The following PTPRR variants were observed in gnomAD, a reference collection of about 807,000 sequenced individuals.
The protein encoded by PTPRR is protein tyrosine phosphatase receptor type R.
In PTPRR, 38 loss-of-function variants were observed where a neutral mutation model predicts 77.2. The ratio of observed to expected loss-of-function variants is 0.49; its 90% CI spans 0.38 to 0.65. The LOEUF (loss-of-function observed/expected upper bound fraction) is 0.65. PTPRR is among the 30% of genes least tolerant of loss of function. PTPRR has a pLI of 0.00. For synonymous variants in PTPRR, 299 were observed against 283.1 expected (o/e 1.06, Z -0.57); for missense variants, 744 against 799.2 (o/e 0.93, Z 0.83).
At chr12:70,673,563 ATACT>A (rs1887326670) in intron 10 of PTPRR, among the ~76,000 whole-genome samples, 1 of 152,234 alleles carries the variant, frequency 6.6e-6, no homozygotes, top group Admixed American at 6.5e-5. Flanking sequence ...AAACATTTAC[ATACT>A]TATATTTACA....
chr12:70,801,915 C>T (rs1891623030), intron 2 of PTPRR, among the ~76,000 whole-genome samples: 5 of 152,168 alleles, frequency 3.3e-5, no homozygotes, highest in Admixed American at 3.3e-4. Context: ...TCTCCCACAT[C>T]CTCCTTACAG....
intron 2 of PTPRR, among the ~76,000 whole-genome samples, chr12:70,852,371 T>A (rs761961675): frequency 7.0e-4 from 107 of 152,232 alleles, no homozygotes; most frequent in Middle Eastern, 6.8e-3. Flanking sequence ...AAGAAAAATA[T>A]CTAAGAGAAA....
intron 10 of PTPRR, among the ~76,000 whole-genome samples, chr12:70,668,122 G>T (rs1473236326): frequency 1.3e-5 from 2 of 151,998 alleles, no homozygotes; most frequent in Non-Finnish European, 2.9e-5. Flanking sequence ...CCACTTTCTG[G>T]ATGCAATCAC....
chr12:70,915,899 A>G (rs1474809041), intron 1 of PTPRR, among the ~76,000 whole-genome samples: 1 of 152,190 alleles, frequency 6.6e-6, no homozygotes, highest in Non-Finnish European at 1.5e-5. Flanking sequence ...TATTTAACTT[A>G]TTTATTTAAT....
At chr12:70,665,659 G>T (rs1317333997) in intron 10 of PTPRR, among the ~76,000 whole-genome samples, 2 of 151,572 alleles carry the variant, frequency 1.3e-5, no homozygotes, top group African/African-American at 4.8e-5. Flanking sequence ...TGGGATTATA[G>T]GCGTGAGCCA....
At chr12:70,673,535 A>G (rs1887326173) in intron 10 of PTPRR, among the ~76,000 whole-genome samples, 1 of 152,204 alleles carries the variant, frequency 6.6e-6, no homozygotes, top group Admixed American at 6.5e-5. Context: ...TTTTCTGGGG[A>G]AAATATTATT....
chr12:70,842,053 C>T (rs1170745840), intron 2 of PTPRR, among the ~76,000 whole-genome samples: 1 of 152,122 alleles, frequency 6.6e-6, no homozygotes, highest in Non-Finnish European at 1.5e-5. Context: ...AAGTAATTTA[C>T]AGCCATATTT....
intron 6 of PTPRR, among the ~76,000 whole-genome samples, chr12:70,703,642 G>C (rs1329753358): frequency 6.6e-6 from 1 of 152,172 alleles, no homozygotes; most frequent in Non-Finnish European, 1.5e-5. Context: ...TTGCCGATTG[G>C]TCTTAATATT....
At chr12:70,882,387 C>A (rs1893164292) in intron 2 of PTPRR, among the ~76,000 whole-genome samples, 1 of 152,076 alleles carries the variant, frequency 6.6e-6, no homozygotes, top group Non-Finnish European at 1.5e-5. Flanking sequence ...CTGCTGCCCA[C>A]CCCCTGGCTT....
intron 2 of PTPRR, among the ~76,000 whole-genome samples, chr12:70,810,896 T>A (rs1891797057): frequency 6.6e-6 from 1 of 152,164 alleles, no homozygotes; most frequent in Non-Finnish European, 1.5e-5. Flanking sequence ...GCTATGGCAA[T>A]TCTATGACTG....
At chr12:70,660,178 T>TAATA (rs57676991) in intron 12 of PTPRR, among the ~76,000 whole-genome samples, 106,386 of 140,926 alleles carry the variant, frequency 0.75, 40,602 homozygotes, top group Admixed American at 0.78. Flanking sequence ...CTCTGTCTCA[T>TAATA]AATAAATAAA....
At chr12:70,738,733 C>A (rs771592665) in intron 6 of PTPRR, among the ~76,000 whole-genome samples, 3 of 152,126 alleles carry the variant, frequency 2.0e-5, no homozygotes, top group African/African-American at 4.8e-5. Context: ...ATCAGTGGAG[C>A]ATTTTGGGAG....
intron 6 of PTPRR, among the ~76,000 whole-genome samples, chr12:70,709,268 C>T (rs114942417): frequency 4.3e-4 from 66 of 152,174 alleles, no homozygotes; most frequent in African/African-American, 1.4e-3. Flanking sequence ...ATTCAACATC[C>T]ATTCATGTTA....
intron 1 of PTPRR, among the ~76,000 whole-genome samples, chr12:70,917,246 G>A (rs1455350404): frequency 1.3e-5 from 2 of 152,094 alleles, no homozygotes; most frequent in African/African-American, 2.4e-5. Flanking sequence ...ACTGGTTCAC[G>A]AAAGAGTAAA....
At chr12:70,697,711 A>G (rs1031066172) in intron 8 of PTPRR, among the ~76,000 whole-genome samples, 1 of 138,168 alleles carries the variant, frequency 7.2e-6, no homozygotes, top group Admixed American at 7.2e-5. Flanking sequence ...TCTCTGGTCC[A>G]TTTTGAGTCA....
chr12:70,746,017 G>A lies in PTPRR; in HGVS notation c.808C>T (p.His270Tyr). 1 of 1,613,680 alleles carries A rather than the reference G, an allele frequency of 6.2e-7. No individual in the cohort carries two copies. The change falls in exon 6 of 14, where the codon CAC becomes TAC. Residue 270 changes from histidine (H) to tyrosine (Y), a missense_variant. His to Tyr is a moderately conservative substitution (Grantham distance 83). This residue lies in a region of PTPRR where 570 missense variants were observed against 573.2 expected (regional missense o/e 0.99). Transcript: ENST00000283228. ...GGCTGTAATGTGATGGGCGATAGGT[G>A]GATCTCCTGGTTTTTCTCTTTGTCT... ...RQDKEKNQEIHLSPITLQPAL... is the reference protein window; with the variant it reads ...RQDKEKNQEIYLSPITLQPAL...
chr12:70,828,574 T>C (rs1385955230), intron 2 of PTPRR, among the ~76,000 whole-genome samples: 1 of 152,242 alleles, frequency 6.6e-6, no homozygotes, highest in East Asian at 1.9e-4. Context: ...GTTACTCAGC[T>C]GGCCATAGTC....
chr12:70,699,138 G>A (rs1401070901), intron 7 of PTPRR, among the ~76,000 whole-genome samples: 2 of 152,092 alleles, frequency 1.3e-5, no homozygotes, highest in Non-Finnish European at 2.9e-5. Flanking sequence ...ACAAACATTT[G>A]TTTAAAGATT....
chr12:70,812,513 T>C (rs1891827357), intron 2 of PTPRR, among the ~76,000 whole-genome samples: 1 of 152,242 alleles, frequency 6.6e-6, no homozygotes, highest in South Asian at 2.1e-4. Flanking sequence ...TTCTGCCATG[T>C]GATCACCTCT....
Sources: gnomAD v4.1 joint callset for allele counts (sites outside exome capture counted in the v4.1 genomes callset) on GRCh38, gnomAD v4.1.1 for gene constraint, gnomAD v4.1.1 regional missense constraint, MANE v1.5 for transcripts, NCBI Gene and HGNC (gene_info 2026-07-23, HGNC 2026-07-21) for gene names.